CNIH3: variants seen among roughly 807,000 people sequenced by gnomAD.
The protein encoded by CNIH3 is protein cornichon homolog 3.
CNIH3 carries 14 observed loss-of-function variants against 24.1 expected under a neutral mutation model. The observed-to-expected ratio is 0.58, with a 90% CI of 0.38 to 0.91. CNIH3 has a LOEUF of 0.91. Ranked by LOEUF, CNIH3 falls within the 40% of genes least tolerant of loss-of-function variation. The probability of loss-of-function intolerance (pLI) is 0.00; values close to 1 mark genes in which losing one functional copy is unlikely to be tolerated. For missense variants in CNIH3, 178 were observed against 196.8 expected, an observed-to-expected ratio of 0.90 and a Z score of 0.57; for synonymous variants, 68 against 73.8, an observed-to-expected ratio of 0.92 and a Z score of 0.40.
chr1:224,695,847 A>G (rs111980810), intron 3 of CNIH3, among the ~76,000 whole-genome samples: 4,930 of 152,280 alleles, frequency 0.032, 109 homozygotes, highest in Middle Eastern at 0.054. Context: ...CTTCTCAGCA[A>G]TAAAGATTTA....
chr1:224,734,313 C>G (rs1461110725), intron 4 of CNIH3, among the ~76,000 whole-genome samples: 5 of 152,228 alleles, frequency 3.3e-5, no homozygotes, highest in Non-Finnish European at 7.3e-5. Flanking sequence ...ATTTCCCCTT[C>G]TGTTGGAGCA....
At chr1:224,685,805 TCTTC>T (rs1686627653) in intron 3 of CNIH3, among the ~76,000 whole-genome samples, 1 of 152,200 alleles carries the variant, frequency 6.6e-6, no homozygotes, top group African/African-American at 2.4e-5. Context: ...TCTTTTAATG[TCTTC>T]TAAGAGAGCC....
chr1:224,737,973 A>G (rs1027862855), intron 5 of CNIH3, among the ~76,000 whole-genome samples: 1 of 152,170 alleles, frequency 6.6e-6, no homozygotes, highest in Non-Finnish European at 1.5e-5. Flanking sequence ...TCCGACCTGA[A>G]GTAGTAGGAC....
At chr1:224,663,383 A>G (rs1434945615) in intron 1 of CNIH3, among the ~76,000 whole-genome samples, 2 of 152,298 alleles carry the variant, frequency 1.3e-5, no homozygotes, top group African/African-American at 2.4e-5. Flanking sequence ...AATCACCAAT[A>G]CACAATCCAA....
chr1:224,479,030 T>C (rs1297458638), intron 1 of CNIH3, among the ~76,000 whole-genome samples: 1 of 152,038 alleles, frequency 6.6e-6, no homozygotes, highest in Non-Finnish European at 1.5e-5. Context: ...GAATTCAAGC[T>C]GAGATTTTGG....
intron 3 of CNIH3, among the ~76,000 whole-genome samples, chr1:224,719,987 G>A (rs1170266082): frequency 6.6e-6 from 1 of 152,204 alleles, no homozygotes; most frequent in Non-Finnish European, 1.5e-5. Flanking sequence ...GCCACAGGGA[G>A]GGAGGGCTGT....
At chr1:224,648,595 A>C (rs1043673114) in intron 1 of CNIH3, among the ~76,000 whole-genome samples, 1 of 152,144 alleles carries the variant, frequency 6.6e-6, no homozygotes, top group African/African-American at 2.4e-5. Flanking sequence ...GGAGCAAAGC[A>C]CACTGTTTGG....
chr1:224,558,748 C>T (rs1240225768), intron 3 of CNIH3, among the ~76,000 whole-genome samples: 1 of 152,152 alleles, frequency 6.6e-6, no homozygotes, highest in Admixed American at 6.5e-5. Flanking sequence ...TATTACAGCC[C>T]ACTTTGTAAG....
At chr1:224,662,037 G>A (rs866846015) in intron 1 of CNIH3, among the ~76,000 whole-genome samples, 11 of 152,160 alleles carry the variant, frequency 7.2e-5, no homozygotes, top group Non-Finnish European at 4.4e-5. Flanking sequence ...TTTGAGTGAC[G>A]ATCTAGGAAG....
chr1:224,584,739 AATT>A (rs1681426652), intron 5 of CNIH3, among the ~76,000 whole-genome samples: 1 of 130,528 alleles, frequency 7.7e-6, no homozygotes. Context: ...AATAATTTGT[AATT>A]TGTTTCTTTG....
chr1:224,550,337 C>T (rs545297519), intron 3 of CNIH3, among the ~76,000 whole-genome samples: 1 of 152,136 alleles, frequency 6.6e-6, no homozygotes, highest in South Asian at 2.1e-4. Context: ...ATTATTATCA[C>T]AGTGTGTAAA....
chr1:224,632,203 CAT>C (rs1391195163), intron 1 of CNIH3, among the ~76,000 whole-genome samples: 1 of 152,178 alleles, frequency 6.6e-6, no homozygotes, highest in African/African-American at 2.4e-5. Context: ...TGTTTGAACA[CAT>C]GTGCATGTGG....
intron 1 of CNIH3, among the ~76,000 whole-genome samples, chr1:224,643,791 A>C (rs1299615545): frequency 6.6e-6 from 1 of 152,210 alleles, no homozygotes; most frequent in Non-Finnish European, 1.5e-5. Flanking sequence ...ACCCAGGAAG[A>C]GGAGGGGCCG....
intron 4 of CNIH3, chr1:224,575,164 A>T: frequency 9.6e-7 from 1 of 1,040,046 alleles, no homozygotes; most frequent in East Asian, 2.4e-5. Flanking sequence ...GCCAAACACA[A>T]TAAAACTACA....
At chr1:224,631,716 G>A (rs1683828533) in intron 1 of CNIH3, among the ~76,000 whole-genome samples, 1 of 152,122 alleles carries the variant, frequency 6.6e-6, no homozygotes, top group African/African-American at 2.4e-5. Context: ...ATCAGTCTTA[G>A]GTATATTTTC....
chr1:224,616,370 G>A lies in CNIH3; in HGVS notation c.-805G>A. 3 of 678,708 alleles carry A rather than the reference G, an allele frequency of 4.4e-6. No homozygotes were observed. Among genetic ancestry groups the A allele is most frequent in the Non-Finnish European group, 5.6e-6 (3 of 532,840 alleles). 42.0% of individuals were successfully genotyped at this position (678,708 alleles called of 1,614,324 possible). A position where few individuals can be genotyped will look rare whatever the true frequency, so the allele number is the denominator to read the frequency against. On this transcript the variant is annotated 5_prime_UTR_variant, in exon 1 of 6. Coordinates refer to ENST00000272133, the MANE Select transcript of CNIH3 (RefSeq NM_152495.2). ...CGGCAGCGGCAGCAGCAGGTGGAGC[G>A]AGCTACAGCGTTTGGCCTGAAACCC...
chr1:224,504,396 C>T (rs1316101749), intron 1 of CNIH3, among the ~76,000 whole-genome samples: 1 of 152,210 alleles, frequency 6.6e-6, no homozygotes, highest in African/African-American at 2.4e-5. Flanking sequence ...TATTCTTATG[C>T]AGACTGGCTG....
chr1:224,561,410 TC>T (rs1680368193), intron 3 of CNIH3, among the ~76,000 whole-genome samples: 1 of 152,204 alleles, frequency 6.6e-6, no homozygotes, highest in Admixed American at 6.5e-5. Flanking sequence ...GAGTCAAGTT[TC>T]AGTTTTTGCC....
chr1:224,533,865 A>T (rs1273793942), intron 2 of CNIH3, among the ~76,000 whole-genome samples: 1 of 152,238 alleles, frequency 6.6e-6, no homozygotes, highest in African/African-American at 2.4e-5. Flanking sequence ...AAACTTGAAC[A>T]TAGGCTGGGA....
Sources: gnomAD v4.1 joint callset for allele counts (sites outside exome capture counted in the v4.1 genomes callset) on GRCh38, gnomAD v4.1.1 for gene constraint, MANE v1.5 for transcripts, NCBI Gene and HGNC (gene_info 2026-07-23, HGNC 2026-07-21) for gene names.